ZBTB7C: variants seen among roughly 807,000 people sequenced by gnomAD.
ZBTB7C encodes zinc finger and BTB domain containing 7C.
Under a neutral mutation model 25.7 loss-of-function variants are expected in ZBTB7C, and 8 were observed. The ratio of observed to expected loss-of-function variants is 0.31; its 90% CI spans 0.18 to 0.56. The LOEUF (loss-of-function observed/expected upper bound fraction) is 0.56, where lower values mean the gene tolerates loss of function less well. Ranked by LOEUF, ZBTB7C falls within the 20% of genes least tolerant of loss-of-function variation. The probability of loss-of-function intolerance (pLI) is 0.91; values close to 1 mark genes in which losing one functional copy is unlikely to be tolerated. For missense variants in ZBTB7C, 824 were observed against 855.2 expected, an observed-to-expected ratio of 0.96 and a Z score of 0.46; for synonymous variants, 394 against 369.0, an observed-to-expected ratio of 1.07 and a Z score of -0.78.
chr18:48,133,702 G>A, intron 3 of ZBTB7C, among the ~76,000 whole-genome samples: 1 of 151,568 alleles, frequency 6.6e-6, no homozygotes, highest in Non-Finnish European at 1.5e-5. Context: ...AATCCTCCGT[G>A]GAAGTTACTA....
At chr18:48,147,213 G>T (rs1207100534) in intron 3 of ZBTB7C, among the ~76,000 whole-genome samples, 2 of 152,148 alleles carry the variant, frequency 1.3e-5, no homozygotes, top group African/African-American at 4.8e-5. Flanking sequence ...AAGTGGATAG[G>T]ATTATAGGCA....
Position 48,029,605 on chromosome 18 carries a change from G to C in ZBTB7C, c.1515C>G (p.Phe505Leu). 6.7e-7 allele frequency: 1 copy of C among 1,487,696 alleles called. No homozygotes were observed. Among genetic ancestry groups the C allele is most frequent in the Non-Finnish European group, 8.8e-7 (1 of 1,130,054 alleles). The allele number at this position is 1,487,696 out of a possible 1,614,324, so 92.2% of individuals were successfully genotyped here. The change falls in exon 5 of 5, where the codon TTC becomes TTG. Residue 505 changes from phenylalanine to leucine, a missense_variant. This residue lies in a region of ZBTB7C where 342 missense variants were observed against 307.0 expected (regional missense o/e 1.11). Coordinates refer to ENST00000590800, the MANE Select transcript of ZBTB7C (RefSeq NM_001318841.2). ...PGGPAPDKAA[F>L]VMPPALGEVG... The stretch of plus-strand genomic sequence containing the variant: ...CCTCGCCCAGCGCAGGGGGCATCAC[G>C]AAGGCCGCCTTGTCGGGGGCCGGGC...
chr18:48,263,975 G>C (rs1489819261), intron 2 of ZBTB7C, among the ~76,000 whole-genome samples: 3 of 150,728 alleles, frequency 2.0e-5, no homozygotes, highest in Non-Finnish European at 2.9e-5. Flanking sequence ...TTAAAATCTG[G>C]TGCAATATTT....
intron 2 of ZBTB7C, among the ~76,000 whole-genome samples, chr18:48,194,207 G>A (rs886688472): frequency 6.6e-6 from 1 of 152,296 alleles, no homozygotes; most frequent in African/African-American, 2.4e-5. Flanking sequence ...GCTCAGTCAC[G>A]TACATTTTAT....
At chr18:48,083,932 CAG>C (rs1406820858) in intron 3 of ZBTB7C, 3 of 981,196 alleles carry the variant, frequency 3.1e-6, no homozygotes, top group Admixed American at 1.2e-4. Context: ...TTGGTTGAAG[CAG>C]GCCTTTAAAC....
At chr18:48,112,450 C>T (rs1328951375) in intron 3 of ZBTB7C, among the ~76,000 whole-genome samples, 2 of 151,884 alleles carry the variant, frequency 1.3e-5, no homozygotes, top group Non-Finnish European at 2.9e-5. Flanking sequence ...TGGGTTCAAG[C>T]GATTCTCCTG....
At chr18:48,068,249 T>C (rs1429565599) in intron 3 of ZBTB7C, among the ~76,000 whole-genome samples, 4 of 150,940 alleles carry the variant, frequency 2.7e-5, no homozygotes, top group African/African-American at 4.9e-5. Flanking sequence ...CACCATTCTC[T>C]TGCCTCAGCC....
Position 48,028,908 on chromosome 18 carries a change from C to T in ZBTB7C, c.*352G>A, listed in dbSNP as rs893765884. 4.8e-5 allele frequency: 13 copies of T among 272,662 alleles called. No homozygotes were observed. In the East Asian group the frequency reaches 1.3e-3, roughly 27 times the overall value. The allele number at this position is 272,662 out of a possible 1,614,324, so 16.9% of individuals were successfully genotyped here. On this transcript the variant is annotated 3_prime_UTR_variant, in exon 5 of 5. Transcript: ENST00000590800. ...CCTCCTCCTGCTGTGGCTGGCTGGG[C>T]ACCAGGCCAACCACCCCCTGACCCC... is the stretch of plus-strand genomic sequence containing the variant.
intron 2 of ZBTB7C, among the ~76,000 whole-genome samples, chr18:48,313,666 G>A (rs1236875073): frequency 1.3e-5 from 2 of 152,098 alleles, no homozygotes; most frequent in Admixed American, 6.5e-5. Context: ...TGCAATCTCC[G>A]GGGCATGGGT....
intron 3 of ZBTB7C, among the ~76,000 whole-genome samples, chr18:48,140,486 T>A (rs1420715664): frequency 6.6e-6 from 1 of 152,150 alleles, no homozygotes; most frequent in Non-Finnish European, 1.5e-5. Flanking sequence ...TCACACTGCA[T>A]CTTTGTGACT....
intron 3 of ZBTB7C, among the ~76,000 whole-genome samples, chr18:48,142,953 C>T (rs2040393656): frequency 6.8e-6 from 1 of 147,840 alleles, no homozygotes; most frequent in Non-Finnish European, 1.5e-5. Context: ...CAGGCTTTGG[C>T]TATAAAGTGG....
intron 2 of ZBTB7C, among the ~76,000 whole-genome samples, chr18:48,291,357 C>T (rs2045224110): frequency 6.6e-6 from 1 of 152,178 alleles, no homozygotes; most frequent in African/African-American, 2.4e-5. Flanking sequence ...CTTCCTCTAC[C>T]TAGCTGGCCT....
intron 3 of ZBTB7C, among the ~76,000 whole-genome samples, chr18:48,096,585 C>T (rs2038641997): frequency 1.3e-5 from 2 of 152,192 alleles, no homozygotes; most frequent in South Asian, 4.1e-4. Context: ...ATGTGCTCTG[C>T]TCCAAGCTGT....
At chr18:48,349,443 T>A (rs1223455836) in intron 1 of ZBTB7C, among the ~76,000 whole-genome samples, 1 of 152,146 alleles carries the variant, frequency 6.6e-6, no homozygotes, top group Non-Finnish European at 1.5e-5. Context: ...CCCTATAATA[T>A]GTTCTGTCCT....
At chr18:48,145,714 A>G (rs928727272) in intron 3 of ZBTB7C, among the ~76,000 whole-genome samples, 2 of 152,218 alleles carry the variant, frequency 1.3e-5, no homozygotes, top group Non-Finnish European at 2.9e-5. Context: ...TCAGAATAAA[A>G]GGTGAAATAG....
intron 3 of ZBTB7C, among the ~76,000 whole-genome samples, chr18:48,099,834 T>C (rs2038769391): frequency 6.6e-6 from 1 of 152,204 alleles, no homozygotes; most frequent in Non-Finnish European, 1.5e-5. Flanking sequence ...GCCTCAGTTG[T>C]CCAAATACCA....
At chr18:48,297,171 A>G (rs1262332799) in intron 2 of ZBTB7C, among the ~76,000 whole-genome samples, 3 of 152,222 alleles carry the variant, frequency 2.0e-5, no homozygotes, top group Non-Finnish European at 4.4e-5. Flanking sequence ...TCCTACACAA[A>G]GAGTGGCTTA....
chr18:48,213,065 C>T (rs1005751466), intron 2 of ZBTB7C, among the ~76,000 whole-genome samples: 1 of 151,700 alleles, frequency 6.6e-6, no homozygotes, highest in Admixed American at 6.5e-5. Context: ...AGCTTACACC[C>T]TCGCCTGGCT....
chr18:48,090,881 A>C lies in ZBTB7C; in HGVS notation c.-16-49758T>G, dbSNP rs950317517. 4.6e-5 allele frequency among the ~76,000 whole-genome samples: 7 copies of C among 152,332 alleles called. 1 individual carries two copies. The highest frequency in any genetic ancestry group is 1.4e-4 in the African/African-American group (6 of 41,576). On this transcript the variant is annotated intron_variant, in intron 3 of 4. Transcript: ENST00000590800. ...TCTTTCCTCTCTTAACTCCTGAAGC[A>C]GAGGTGGCCTGAGTGCTGGTTATCT...
Sources: allele counts gnomAD v4.1 joint callset (sites outside exome capture counted in the v4.1 genomes callset), GRCh38; gene constraint gnomAD v4.1.1; regional missense constraint gnomAD v4.1.1; transcripts MANE v1.5; gene names NCBI Gene and HGNC (gene_info 2026-07-23, HGNC 2026-07-21).